The following VWA8 variants were observed in gnomAD, a reference collection of about 807,000 sequenced individuals.
VWA8 encodes the protein von Willebrand factor A domain containing 8, also known as von Willebrand factor A domain-containing protein 8.
VWA8 carries 221 observed loss-of-function variants against 241.5 expected under a neutral mutation model. The observed-to-expected ratio is 0.91, with a 90% CI of 0.82 to 1.02. The LOEUF is 1.02. Among genes scored for constraint, VWA8 ranks in the 50% least tolerant of loss-of-function variants. The pLI, the probability that VWA8 is intolerant of heterozygous loss-of-function variation, is 0.00. For synonymous variants in VWA8, 852 were observed against 827.1 expected (o/e 1.03, Z -0.52); for missense variants, 2,322 against 2,328.7 (o/e 1.00, Z 0.06).
chr13:41,624,146 C>T (rs1214638304), intron 37 of VWA8, among the ~76,000 whole-genome samples: 1 of 152,116 alleles, frequency 6.6e-6, no homozygotes, highest in East Asian at 1.9e-4. Context: ...CCTGAACAGA[C>T]CAATAACATG....
chr13:41,836,318 T>G (rs927743092), intron 12 of VWA8, among the ~76,000 whole-genome samples: 2 of 152,188 alleles, frequency 1.3e-5, no homozygotes, highest in Non-Finnish European at 2.9e-5. Flanking sequence ...GGCATTCAAC[T>G]AATATCATAC....
At chr13:41,823,054 A>G (rs1237219903) in intron 14 of VWA8, among the ~76,000 whole-genome samples, 1 of 152,156 alleles carries the variant, frequency 6.6e-6, no homozygotes, top group Non-Finnish European at 1.5e-5. Context: ...GAATTTCCTT[A>G]AGGCTTTTTG....
At chr13:41,632,587 C>T (rs1264886034) in intron 37 of VWA8, among the ~76,000 whole-genome samples, 1 of 152,188 alleles carries the variant, frequency 6.6e-6, no homozygotes, top group African/African-American at 2.4e-5. Flanking sequence ...ATCTTGGCTG[C>T]TGCTTTTTCC....
chr13:41,923,596 T>C (rs1304122644), intron 2 of VWA8, among the ~76,000 whole-genome samples: 3 of 152,118 alleles, frequency 2.0e-5, no homozygotes, highest in Non-Finnish European at 2.9e-5. Flanking sequence ...ATCCCCGTGC[T>C]GCTGCATCTG....
At chr13:41,741,248 T>C (rs2045567281) in intron 21 of VWA8, among the ~76,000 whole-genome samples, 2 of 152,204 alleles carry the variant, frequency 1.3e-5, no homozygotes, top group African/African-American at 4.8e-5. Flanking sequence ...GAGTTCTCAA[T>C]GCTTGCTGAG....
intron 24 of VWA8, among the ~76,000 whole-genome samples, chr13:41,723,796 A>G (rs1193646746): frequency 6.6e-6 from 1 of 152,156 alleles, no homozygotes; most frequent in Non-Finnish European, 1.5e-5. Context: ...GAAGCTGGAT[A>G]TGAGTGTGAA....
At chr13:41,568,753 C>T (rs548854710) in intron 44 of VWA8, among the ~76,000 whole-genome samples, 1 of 152,148 alleles carries the variant, frequency 6.6e-6, no homozygotes, top group African/African-American at 2.4e-5. Flanking sequence ...GCAGCCAAAC[C>T]CTGAGTGGTT....
intron 34 of VWA8, among the ~76,000 whole-genome samples, chr13:41,686,211 T>C (rs2045135098): frequency 6.6e-6 from 1 of 152,186 alleles, no homozygotes; most frequent in African/African-American, 2.4e-5. Flanking sequence ...TGAAGTTTTA[T>C]AATTATCCTT....
In VWA8 at chr13:41,778,038, C is replaced by T. The variant is rs1868692358; in HGVS notation, c.2296G>A (p.Asp766Asn). The T allele has an allele frequency of 6.2e-7, 1 of 1,611,954 alleles. No homozygotes were observed. The highest frequency in any genetic ancestry group is 1.7e-5 in the Admixed American group (1 of 59,836). ...DNIQHVIVMEDMLKDFLLGEH... is the reference protein window; with the variant it reads ...DNIQHVIVMENMLKDFLLGEH... ...CCAAGGAGAAAGTCTTTCAGCATAT[C>T]TTCCATCACTATCACATGCTAGAGA... Residue 766 changes from aspartate (D) to asparagine (N), a missense_variant, in exon 20 of 45, where the codon GAT becomes AAT. Asp to Asn is a conservative substitution (Grantham distance 23). Coordinates refer to ENST00000379310, the MANE Select transcript of VWA8 (RefSeq NM_015058.2).
chr13:41,874,959 C>G (rs1873826117), intron 9 of VWA8, among the ~76,000 whole-genome samples: 2 of 152,108 alleles, frequency 1.3e-5, no homozygotes, highest in African/African-American at 4.8e-5. Context: ...CAGACACATA[C>G]TCCTCCATAC....
In VWA8 at chr13:41,947,251, C is replaced by G. The variant is rs189940481; in HGVS notation, c.241+2685G>C. On this transcript the variant is annotated intron_variant, in intron 2 of 44. Coordinates refer to ENST00000379310, the MANE Select transcript of VWA8 (RefSeq NM_015058.2). Reference sequence around the variant, plus strand: ...TTGATTTATTTTTTCTTTAACAGAGCACATAGTCTAGTGGAAGAATCTGAA... The same window carrying G: ...TTGATTTATTTTTTCTTTAACAGAGGACATAGTCTAGTGGAAGAATCTGAA... Among the ~76,000 whole-genome samples, 6 of 152,244 alleles carry G rather than the reference C, an allele frequency of 3.9e-5. No individual in the cohort carries two copies. The East Asian group carries it at 1.2e-3, about 29-fold the overall frequency.
chr13:41,573,610 C>CATATATATATATATATATATATAT lies in VWA8; in HGVS notation c.5370+2129_5370+2130insATATATATATATATATATATATAT, dbSNP rs1239166610. 6.5e-3 allele frequency among the ~76,000 whole-genome samples: 917 copies of CATATATATATATATATATATATAT among 140,132 alleles called. 10 individuals are homozygous for CATATATATATATATATATATATAT. Among genetic ancestry groups the CATATATATATATATATATATATAT allele is most frequent in the East Asian group, 0.032 (154 of 4,868 alleles). 91.9% of individuals were successfully genotyped at this position (140,132 alleles called of 152,430 possible). On this transcript the variant is annotated intron_variant, in intron 43 of 44. Transcript: ENST00000379310. ...ATATATATACACCTCTATATATACGCATATATATGGTGTGTGTGTGTGTGA... is the reference window on the plus strand; with the variant it reads ...ATATATATACACCTCTATATATACGCATATATATATATATATATATATATATATATATGGTGTGTGTGTGTGTGA...
chr13:41,649,507 T>C (rs929130606), intron 37 of VWA8, among the ~76,000 whole-genome samples: 4 of 152,226 alleles, frequency 2.6e-5, no homozygotes, highest in Non-Finnish European at 4.4e-5. Context: ...ATTATCTGTA[T>C]TTCTGGTGAG....
chr13:41,579,864 T>C (rs1453298354), intron 42 of VWA8, among the ~76,000 whole-genome samples: 1 of 152,210 alleles, frequency 6.6e-6, no homozygotes, highest in Non-Finnish European at 1.5e-5. Flanking sequence ...TGATTTTCTT[T>C]TGAGACAGGG....
At chr13:41,833,554 A>G in intron 12 of VWA8, 23 bp from the exon 13 acceptor site, 1 of 1,579,250 alleles carries the variant, frequency 6.3e-7, no homozygotes, top group South Asian at 1.2e-5. Context: ...CCCACCACCC[A>G]ACAAAGAACA....
At chr13:41,879,781 A>G (rs1190235624) in intron 9 of VWA8, among the ~76,000 whole-genome samples, 1 of 152,138 alleles carries the variant, frequency 6.6e-6, no homozygotes, top group African/African-American at 2.4e-5. Context: ...CCCTGGGTAG[A>G]TTTGAAGATA....
intron 19 of VWA8, among the ~76,000 whole-genome samples, chr13:41,778,528 T>A (rs913362401): frequency 2.6e-5 from 4 of 152,158 alleles, no homozygotes; most frequent in Non-Finnish European, 2.9e-5. Context: ...CACTTTTTAA[T>A]TTGAATTATG....
chr13:41,882,292 C>G (rs1292393784), intron 9 of VWA8, among the ~76,000 whole-genome samples: 4 of 151,030 alleles, frequency 2.6e-5, no homozygotes, highest in Middle Eastern at 3.4e-3. Context: ...GGATGGCGGC[C>G]GGGCAGAGAC....
intron 36 of VWA8, among the ~76,000 whole-genome samples, chr13:41,671,987 C>T (rs776942566): frequency 3.3e-5 from 5 of 152,188 alleles, no homozygotes; most frequent in African/African-American, 1.2e-4. Flanking sequence ...CAAAAATACA[C>T]TGTAATTTAC....
Sources: gnomAD v4.1 joint callset for allele counts (sites outside exome capture counted in the v4.1 genomes callset) on GRCh38, gnomAD v4.1.1 for gene constraint, MANE v1.5 for transcripts, NCBI Gene and HGNC (gene_info 2026-07-23, HGNC 2026-07-21) for gene names.